Variants in GDPD1 observed in about 807,000 individuals in gnomAD.
GDPD1 encodes the protein lysophospholipase D GDPD1.
A neutral mutation model predicts 45.1 loss-of-function variants in GDPD1; 28 were observed. That is an observed-to-expected ratio of 0.62 (90% CI 0.46 to 0.85). GDPD1 has a LOEUF of 0.85. Among genes scored for constraint, GDPD1 ranks in the 40% least tolerant of loss-of-function variants. The pLI, the probability that GDPD1 is intolerant of heterozygous loss-of-function variation, is 0.00. For synonymous variants in GDPD1, 139 were observed against 131.4 expected, an observed-to-expected ratio of 1.06 and a Z score of -0.40; for missense variants, 256 against 364.8, an observed-to-expected ratio of 0.70 and a Z score of 2.43.
At chr17:59,232,677 T>C (rs959854837) in intron 1 of GDPD1, among the ~76,000 whole-genome samples, 8 of 152,142 alleles carry the variant, frequency 5.3e-5, no homozygotes, top group African/African-American at 1.9e-4. Flanking sequence ...GATGAGCTTA[T>C]TGAAGGACTA....
intron 1 of GDPD1, among the ~76,000 whole-genome samples, chr17:59,233,206 G>A (rs28835288): frequency 6.7e-6 from 1 of 150,202 alleles, no homozygotes; most frequent in African/African-American, 2.5e-5. Flanking sequence ...ACAGAGTGAT[G>A]ATCTGTCTCA....
chr17:59,274,719 A>T lies in GDPD1; in HGVS notation c.*946A>T, dbSNP rs919879339. On this transcript the variant is annotated 3_prime_UTR_variant, in exon 10 of 10. Coordinates refer to ENST00000284116, the MANE Select transcript of GDPD1 (RefSeq NM_182569.4). ...CGTGAACCCGGGAGGCGGAGCTTGC[A>T]GTGAGCCGAGATCGCGCCACTGCAC... Among the ~76,000 whole-genome samples, 6 of 151,022 alleles carry T rather than the reference A, an allele frequency of 4.0e-5. No homozygotes were observed. The highest frequency in any genetic ancestry group is 7.4e-5 in the Non-Finnish European group (5 of 67,716).
intron 1 of GDPD1, among the ~76,000 whole-genome samples, chr17:59,223,174 A>G (rs1166852052): frequency 2.0e-5 from 3 of 152,226 alleles, no homozygotes; most frequent in African/African-American, 7.2e-5. Flanking sequence ...CTTCCTAGAT[A>G]TTAGGTCATT....
intron 4 of GDPD1, chr17:59,249,076 C>A (rs2047233911): frequency 4.7e-6 from 1 of 213,318 alleles, no homozygotes; most frequent in East Asian, 1.0e-4. Context: ...TATTAGTCAT[C>A]CATCAAAAAA....
At chr17:59,236,932 TG>T (rs2047136657) in intron 2 of GDPD1, among the ~76,000 whole-genome samples, 3 of 152,216 alleles carry the variant, frequency 2.0e-5, no homozygotes, top group Admixed American at 2.0e-4. Context: ...GGTGGTGGTT[TG>T]TGTATGTGTG....
intron 8 of GDPD1, among the ~76,000 whole-genome samples, chr17:59,271,463 C>T (rs1055528268): frequency 6.6e-6 from 1 of 151,872 alleles, no homozygotes; most frequent in Admixed American, 6.6e-5. Flanking sequence ...AAAGTAAATG[C>T]CTTAATTTAG....
intron 1 of GDPD1, 86 bp from the exon 2 acceptor site, chr17:59,234,406 A>G (rs1008589803): frequency 1.5e-5 from 12 of 812,812 alleles, no homozygotes; most frequent in Non-Finnish European, 1.8e-5. Flanking sequence ...AAAAAAGGTC[A>G]AGATTCATTA....
chr17:59,233,000 G>A (rs983053337), intron 1 of GDPD1, among the ~76,000 whole-genome samples: 1 of 152,114 alleles, frequency 6.6e-6, no homozygotes, highest in African/African-American at 2.4e-5. Context: ...CAGATCACTT[G>A]AGGCCAGGAG....
Position 59,273,907 on chromosome 17 carries a change from T to C in GDPD1, c.*134T>C. The C allele has an allele frequency of 2.8e-6, 3 of 1,075,980 alleles. No homozygotes were observed. Among genetic ancestry groups the C allele is most frequent in the Non-Finnish European group, 3.5e-6 (3 of 860,186 alleles). The allele number at this position is 1,075,980 out of a possible 1,614,324, so 66.7% of individuals were successfully genotyped here. ...TTTTATTACCTCATTTTTAAGCCTG[T>C]ATGAGAATGTAGAAACTATATATTA... is the stretch of plus-strand genomic sequence containing the variant. On this transcript the variant is annotated 3_prime_UTR_variant, in exon 10 of 10. Transcript: ENST00000284116.
intron 4 of GDPD1, among the ~76,000 whole-genome samples, chr17:59,256,159 C>T (rs2047307725): frequency 6.6e-6 from 1 of 151,738 alleles, no homozygotes; most frequent in Non-Finnish European, 1.5e-5. Flanking sequence ...TCTACAAAAA[C>T]TACAAAAAAA....
At chr17:59,230,664 G>A (rs537648773) in intron 1 of GDPD1, among the ~76,000 whole-genome samples, 4 of 152,088 alleles carry the variant, frequency 2.6e-5, no homozygotes, top group African/African-American at 7.2e-5. Flanking sequence ...TTACAGGTGT[G>A]AGCCACCATG....
intron 2 of GDPD1, among the ~76,000 whole-genome samples, chr17:59,237,259 G>A (rs1014427624): frequency 2.2e-4 from 33 of 152,046 alleles, no homozygotes; most frequent in African/African-American, 7.5e-4. Context: ...AAAATTAACC[G>A]GGCGTGGTGG....
rs751552131 is a variant in GDPD1 at position 59,273,820 on chromosome 17, A to G, written c.*47A>G. On this transcript the variant is annotated 3_prime_UTR_variant, in exon 10 of 10. Transcript: ENST00000284116. ...TTGAAGGAAAAAATGAAGACCTAAGAAAAAAATATTTCATGATCATTTCCC... is the reference window on the plus strand; with the variant it reads ...TTGAAGGAAAAAATGAAGACCTAAGGAAAAAATATTTCATGATCATTTCCC... The G allele has an allele frequency of 2.0e-6, 3 of 1,500,720 alleles. No individual in the cohort carries two copies. In the South Asian group the frequency reaches 4.1e-5, roughly 21 times the overall value. The allele number at this position is 1,500,720 out of a possible 1,614,324, so 93.0% of individuals were successfully genotyped here.
chr17:59,259,608 G>T (rs2147898114), intron 6 of GDPD1, among the ~76,000 whole-genome samples: 1 of 148,226 alleles, frequency 6.7e-6, no homozygotes, highest in Admixed American at 6.8e-5. Context: ...AAATAGCCAG[G>T]CGTGGTGGCG....
chr17:59,251,991 CAA>C (rs34224346), intron 4 of GDPD1, among the ~76,000 whole-genome samples: 3 of 60,920 alleles, frequency 4.9e-5, no homozygotes, highest in African/African-American at 1.2e-4. Flanking sequence ...GACTCAGTCT[CAA>C]AAAAAAAAAA....
chr17:59,266,651 T>G (rs1322830267), intron 6 of GDPD1, among the ~76,000 whole-genome samples: 1 of 152,142 alleles, frequency 6.6e-6, no homozygotes, highest in Non-Finnish European at 1.5e-5. Flanking sequence ...TATATAGAGA[T>G]ATATAGCTAC....
At position 59,220,539 on chromosome 17, in the gene GDPD1, G is replaced by A. The variant is rs2046994450; in HGVS notation, c.-71G>A. 3 of 1,534,410 alleles carry A rather than the reference G, an allele frequency of 2.0e-6. No individual in the cohort carries two copies. In the East Asian group the frequency reaches 7.0e-5, roughly 36 times the overall value. Reference sequence around the variant, plus strand: ...CCGACCTCGAGCAGCCGCCGCCGCCGCCGTCGTTGCTACTGCCGCAGCGGA... The same window carrying A: ...CCGACCTCGAGCAGCCGCCGCCGCCACCGTCGTTGCTACTGCCGCAGCGGA... On this transcript the variant is annotated 5_prime_UTR_variant, in exon 1 of 10. Transcript: ENST00000284116.
chr17:59,220,639 C>T lies in GDPD1; in HGVS notation c.30C>T (p.Leu10=), dbSNP rs1263343775. The T allele has an allele frequency of 6.2e-6, 10 of 1,613,918 alleles. No individual in the cohort carries two copies. Among genetic ancestry groups the T allele is most frequent in the Non-Finnish European group, 1.7e-6 (2 of 1,179,896 alleles). The change falls in exon 1 of 10, where the codon CTC becomes CTT. Residue 10 remains leucine (L), a synonymous_variant. Coordinates refer to ENST00000284116, the MANE Select transcript of GDPD1 (RefSeq NM_182569.4). The stretch of plus-strand genomic sequence containing the variant: ...CGTCCACTGCGGCTTTTTACCTTCT[C>T]TCTACGCTAGGAGGATACTTGGTGA... MSSTAAFYL[L]STLGGYLVTS... is the part of the protein sequence containing the mutation.
intron 1 of GDPD1, 75 bp from the exon 2 acceptor site, chr17:59,234,416 AG>A (rs1348011054): frequency 2.6e-6 from 2 of 764,508 alleles, no homozygotes; most frequent in East Asian, 5.5e-5. Flanking sequence ...AAGATTCATT[AG>A]GTGTATTTTA....
Sources: allele counts gnomAD v4.1 joint callset (sites outside exome capture counted in the v4.1 genomes callset), GRCh38; gene constraint gnomAD v4.1.1; transcripts MANE v1.5; gene names NCBI Gene and HGNC (gene_info 2026-07-23, HGNC 2026-07-21).